Variants in ZNF280D observed in about 807,000 individuals in gnomAD.
ZNF280D encodes zinc finger protein 280D, also known as suppressor of hairy wing homolog 4.
ZNF280D carries 39 observed loss-of-function variants against 94.7 expected under a neutral mutation model. The ratio of observed to expected loss-of-function variants is 0.41; its 90% CI spans 0.32 to 0.54. The LOEUF (loss-of-function observed/expected upper bound fraction) is 0.54, where lower values mean the gene tolerates loss of function less well. Among genes scored for constraint, ZNF280D ranks in the 20% least tolerant of loss-of-function variants. The probability of loss-of-function intolerance (pLI) is 0.22; values close to 1 mark genes in which losing one functional copy is unlikely to be tolerated. For missense variants in ZNF280D, 1,090 were observed against 1,149.3 expected (o/e 0.95, Z 0.75); for synonymous variants, 398 against 377.6 (o/e 1.05, Z -0.63).
intron 21 of ZNF280D, among the ~76,000 whole-genome samples, chr15:56,634,731 C>A (rs918044844): frequency 2.7e-4 from 41 of 152,168 alleles, no homozygotes; most frequent in African/African-American, 9.6e-4. Context: ...TAACATTCTA[C>A]CAAAGTATGA....
chr15:56,690,331 G>A (rs1319015508), intron 7 of ZNF280D, among the ~76,000 whole-genome samples: 3 of 152,002 alleles, frequency 2.0e-5, no homozygotes, highest in Admixed American at 1.3e-4. Context: ...GCAGTGAGCC[G>A]AGATCGCGCC....
At chr15:56,674,585 C>T (rs1221484916) in intron 13 of ZNF280D, among the ~76,000 whole-genome samples, 11 of 151,986 alleles carry the variant, frequency 7.2e-5, no homozygotes, top group African/African-American at 2.7e-4. Context: ...CTTTATTAGA[C>T]AATGTGACAT....
intron 10 of ZNF280D, among the ~76,000 whole-genome samples, chr15:56,680,458 A>G (rs1237208914): frequency 2.6e-5 from 4 of 152,144 alleles, no homozygotes; most frequent in Non-Finnish European, 4.4e-5. Flanking sequence ...CTTCATAAAC[A>G]TAACCAAAAA....
chr15:56,640,006 AT>A (rs1243554423), intron 20 of ZNF280D, among the ~76,000 whole-genome samples: 1 of 152,092 alleles, frequency 6.6e-6, no homozygotes, highest in African/African-American at 2.4e-5. Flanking sequence ...CTATTTCCAA[AT>A]ATTTGAGAGA....
At chr15:56,722,810 A>G (rs1475549622) in intron 1 of ZNF280D, among the ~76,000 whole-genome samples, 1 of 152,034 alleles carries the variant, frequency 6.6e-6, no homozygotes, top group East Asian at 1.9e-4. Context: ...TCACAATAGC[A>G]AAGACTTGGA....
chr15:56,730,377 A>G lies in ZNF280D; in HGVS notation c.-86+3081T>C, dbSNP rs376129387. 9 of 152,358 alleles carry G rather than the reference A, an allele frequency of 5.9e-5. No individual in the cohort carries two copies. The East Asian group carries it at 1.5e-3, about 26-fold the overall frequency. 9.4% of individuals were successfully genotyped at this position (152,358 alleles called of 1,614,324 possible). A position where few individuals can be genotyped will look rare whatever the true frequency, so the allele number is the denominator to read the frequency against. ...TTCCAAAACTTGCTTTTGGAATAAC[A>G]AAGTATGTTGTCAATAGAAATATCC... On this transcript the variant is annotated intron_variant, in intron 1 of 21. Coordinates refer to ENST00000267807, the MANE Select transcript of ZNF280D (RefSeq NM_017661.4).
intron 13 of ZNF280D, among the ~76,000 whole-genome samples, chr15:56,670,905 G>C (rs1177264519): frequency 1.3e-5 from 2 of 151,936 alleles, no homozygotes; most frequent in African/African-American, 4.8e-5. Flanking sequence ...TCTCACTGTA[G>C]TTTTGATTTG....
chr15:56,631,993 T>G lies in ZNF280D; in HGVS notation c.2445A>C (p.Ala815=), dbSNP rs1307976685. 1 of 1,614,080 alleles carries G rather than the reference T, an allele frequency of 6.2e-7. No individual in the cohort carries two copies. The highest frequency in any genetic ancestry group is 8.5e-7 in the Non-Finnish European group (1 of 1,180,014). Residue 815 remains alanine, a synonymous_variant, in exon 22 of 22, where the codon GCA becomes GCC. Coordinates refer to ENST00000267807, the MANE Select transcript of ZNF280D (RefSeq NM_017661.4). ...TGTTTTTTGAGCCAGTTTCCTGGTC[T>G]GCAAGACAGGTTTCATTTTCCTTAT... ...VSDKENETCL[A]DQETGSKNIV...
intron 1 of ZNF280D, among the ~76,000 whole-genome samples, chr15:56,724,555 G>A (rs533286772): frequency 5.9e-5 from 9 of 152,280 alleles, no homozygotes; most frequent in South Asian, 2.1e-4. Flanking sequence ...CCAAGGCATC[G>A]TATCTTATAA....
chr15:56,704,302 T>G, intron 3 of ZNF280D, 35 bp from the exon 4 acceptor site: 1 of 1,563,584 alleles, frequency 6.4e-7, no homozygotes, highest in Non-Finnish European at 8.6e-7. Flanking sequence ...AACCTCATTT[T>G]TGAAAATAAA....
chr15:56,728,647 C>CAAATAGTTCCAG (rs1216707440), intron 1 of ZNF280D, among the ~76,000 whole-genome samples: 1 of 152,132 alleles, frequency 6.6e-6, no homozygotes, highest in Non-Finnish European at 1.5e-5. Context: ...ATTTATAAGA[C>CAAATAGTTCCAG]AAATAGTTCC....
chr15:56,674,413 T>C (rs2055074662), intron 13 of ZNF280D, among the ~76,000 whole-genome samples: 1 of 152,022 alleles, frequency 6.6e-6, no homozygotes, highest in Non-Finnish European at 1.5e-5. Flanking sequence ...TAAATATCTG[T>C]ATTAAATTTT....
intron 1 of ZNF280D, among the ~76,000 whole-genome samples, chr15:56,721,639 T>C (rs866330022): frequency 4.6e-5 from 7 of 152,316 alleles, no homozygotes; most frequent in Middle Eastern, 6.8e-3. Context: ...TCATCTCTGT[T>C]AGCTTCAAGC....
chr15:56,682,570 C>G, intron 9 of ZNF280D, 93 bp from the exon 10 acceptor site: 1 of 778,108 alleles, frequency 1.3e-6, no homozygotes, highest in Non-Finnish European at 2.0e-6. Context: ...CACCTAAGGC[C>G]AGACCATTAA....
At position 56,689,093 on chromosome 15, in the gene ZNF280D, G is replaced by C; in HGVS notation, c.728C>G (p.Pro243Arg). The part of the protein sequence containing the change: ...KNGTPFPRAC[P>R]KCNIHFNLLD... ...AAGATTGAAATGAATGTTGCACTTT[G>C]GACAAGCTCTTGGAAAAGGTGTTCC... is the stretch of plus-strand genomic sequence containing the variant. The change falls in exon 9 of 22, where the codon CCA becomes CGA. Residue 243 changes from proline (P) to arginine (R), a missense_variant. Coordinates refer to ENST00000267807, the MANE Select transcript of ZNF280D (RefSeq NM_017661.4). The C allele has an allele frequency of 6.2e-7, 1 of 1,611,072 alleles. No individual in the cohort carries two copies. The highest frequency in any genetic ancestry group is 8.5e-7 in the Non-Finnish European group (1 of 1,178,832).
At chr15:56,707,636 G>T (rs1042886760) in intron 1 of ZNF280D, among the ~76,000 whole-genome samples, 1 of 151,976 alleles carries the variant, frequency 6.6e-6, no homozygotes, top group East Asian at 1.9e-4. Flanking sequence ...AATCTTTAAC[G>T]TTATCTTTTC....
intron 19 of ZNF280D, among the ~76,000 whole-genome samples, chr15:56,647,909 A>G (rs544403776): frequency 2.6e-5 from 4 of 152,252 alleles, no homozygotes; most frequent in African/African-American, 7.2e-5. Context: ...ACACTTTGTT[A>G]TTTTTCAAAC....
At chr15:56,689,705 A>G (rs1296004723) in intron 7 of ZNF280D, among the ~76,000 whole-genome samples, 1 of 152,094 alleles carries the variant, frequency 6.6e-6, no homozygotes, top group Non-Finnish European at 1.5e-5. Flanking sequence ...ATGAAAGAAA[A>G]TTCTAAATAT....
chr15:56,661,084 G>T (rs1362420231), intron 16 of ZNF280D, among the ~76,000 whole-genome samples: 1 of 152,104 alleles, frequency 6.6e-6, no homozygotes, highest in African/African-American at 2.4e-5. Context: ...AAAGTCAATA[G>T]TGACACATAC....
Sources: allele counts gnomAD v4.1 joint callset (sites outside exome capture counted in the v4.1 genomes callset), GRCh38; gene constraint gnomAD v4.1.1; transcripts MANE v1.5; gene names NCBI Gene and HGNC (gene_info 2026-07-23, HGNC 2026-07-21).